EYS: variants seen among roughly 807,000 people sequenced by gnomAD.
The protein encoded by EYS is EGF-like photoreceptor maintenance factor.
Under a neutral mutation model 282.1 loss-of-function variants are expected in EYS, and 250 were observed. The ratio of observed to expected loss-of-function variants is 0.89; its 90% CI spans 0.80 to 0.98. The LOEUF (loss-of-function observed/expected upper bound fraction) is 0.98. Ranked by LOEUF, EYS falls within the 50% of genes least tolerant of loss-of-function variation. The pLI is 0.00. For synonymous variants in EYS, 1,355 were observed against 1,282.9 expected (o/e 1.06, Z -1.20); for missense variants, 4,016 against 3,709.0 (o/e 1.08, Z -2.15).
At chr6:64,842,118 C>A (rs1765580188) in intron 19 of EYS, among the ~76,000 whole-genome samples, 1 of 152,000 alleles carries the variant, frequency 6.6e-6, no homozygotes, top group East Asian at 1.9e-4. Context: ...AACTAACATA[C>A]AGGGCATTAA....
chr6:64,255,670 G>C (rs1413454700), intron 30 of EYS, among the ~76,000 whole-genome samples: 1 of 151,930 alleles, frequency 6.6e-6, no homozygotes, highest in African/African-American at 2.4e-5. Context: ...TCAATCATAT[G>C]ACTTAAATAA....
At chr6:64,283,218 T>A (rs1768373659) in intron 30 of EYS, among the ~76,000 whole-genome samples, 1 of 152,276 alleles carries the variant, frequency 6.6e-6, no homozygotes, top group East Asian at 1.9e-4. Flanking sequence ...TGATTCATAT[T>A]TTTTTAAAGC....
chr6:64,663,826 G>T (rs887236320), intron 22 of EYS, among the ~76,000 whole-genome samples: 1 of 152,106 alleles, frequency 6.6e-6, no homozygotes, highest in African/African-American at 2.4e-5. Flanking sequence ...AGGATTCCAA[G>T]GAATAGAACC....
At position 65,005,823 on chromosome 6, in the gene EYS, C is replaced by A. The variant is rs376322277; in HGVS notation, c.2138-8120G>T. Among the ~76,000 whole-genome samples, 435 of 152,284 alleles carry A rather than the reference C, an allele frequency of 2.9e-3. 37 individuals are homozygous for A. The highest frequency in any genetic ancestry group is 0.011 in the South Asian group (54 of 4,826). Reference sequence around the variant, plus strand: ...GTAGCCGGTTAAGATCATGGCACAGCCAGAAGTCTCTACCCAGCAGTCGCC... The same window carrying A: ...GTAGCCGGTTAAGATCATGGCACAGACAGAAGTCTCTACCCAGCAGTCGCC... On this transcript the variant is annotated intron_variant, in intron 13 of 42. Coordinates refer to ENST00000503581, the MANE Select transcript of EYS (RefSeq NM_001142800.2).
At chr6:65,460,713 G>C (rs1368993689) in intron 5 of EYS, among the ~76,000 whole-genome samples, 2 of 151,926 alleles carry the variant, frequency 1.3e-5, no homozygotes, top group Admixed American at 6.6e-5. Flanking sequence ...GTTTTGGCCT[G>C]AACAAATCAA....
intron 1 of EYS, among the ~76,000 whole-genome samples, chr6:65,698,164 C>T (rs1769525811): frequency 6.6e-6 from 1 of 152,082 alleles, no homozygotes; most frequent in South Asian, 2.1e-4. Context: ...CATCATTATA[C>T]ATAAAGAATA....
At chr6:63,958,691 G>A (rs1047044387) in intron 35 of EYS, among the ~76,000 whole-genome samples, 8 of 152,306 alleles carry the variant, frequency 5.3e-5, no homozygotes, top group Non-Finnish European at 1.2e-4. Flanking sequence ...CAAAGGACAG[G>A]CTGACTCTCC....
chr6:63,730,857 T>G (rs1208808394), intron 41 of EYS, among the ~76,000 whole-genome samples: 1 of 151,920 alleles, frequency 6.6e-6, no homozygotes, highest in Non-Finnish European at 1.5e-5. Flanking sequence ...CCGTCTCTAC[T>G]AAAAATACAA....
intron 24 of EYS, among the ~76,000 whole-genome samples, chr6:64,615,226 T>C (rs1767237384): frequency 6.6e-6 from 1 of 152,112 alleles, no homozygotes. Flanking sequence ...CTTAAGACTC[T>C]CTCAAGTTTG....
intron 33 of EYS, among the ~76,000 whole-genome samples, chr6:64,051,097 T>C (rs1416153502): frequency 6.6e-6 from 1 of 152,124 alleles, no homozygotes; most frequent in Non-Finnish European, 1.5e-5. Flanking sequence ...TCCCAAGTCA[T>C]GTTGTTGAAA....
At chr6:65,193,683 A>C (rs532622172) in intron 12 of EYS, among the ~76,000 whole-genome samples, 1 of 151,800 alleles carries the variant, frequency 6.6e-6, no homozygotes, top group African/African-American at 2.4e-5. Flanking sequence ...CGTAAGGAAC[A>C]AAAATCTCTG....
chr6:64,295,924 T>G (rs533938582), intron 30 of EYS, among the ~76,000 whole-genome samples: 17 of 152,274 alleles, frequency 1.1e-4, no homozygotes, highest in African/African-American at 3.9e-4. Context: ...AATATTATTT[T>G]TAAATATTTT....
At chr6:64,813,663 C>T in intron 21 of EYS, 86 bp from the exon 22 acceptor site, 1 of 812,374 alleles carries the variant, frequency 1.2e-6, no homozygotes, top group Non-Finnish European at 1.7e-6. Flanking sequence ...TAAACATAAT[C>T]TAAAAAACTG....
At chr6:64,436,374 G>C (rs894764085) in intron 27 of EYS, 109 bp from the exon 28 acceptor site, 2 of 616,584 alleles carry the variant, frequency 3.2e-6, no homozygotes, top group Non-Finnish European at 5.7e-6. Context: ...TCACTTTGGA[G>C]AGACATGAAG....
intron 29 of EYS, among the ~76,000 whole-genome samples, chr6:64,336,243 A>G (rs1016455631): frequency 6.6e-6 from 1 of 152,106 alleles, no homozygotes; most frequent in African/African-American, 2.4e-5. Flanking sequence ...CAGGAGACTC[A>G]CCTAACACAA....
At chr6:64,085,340 GCACACACACACACA>G (rs71551560) in intron 31 of EYS, among the ~76,000 whole-genome samples, 1 of 139,814 alleles carries the variant, frequency 7.2e-6, no homozygotes, top group African/African-American at 2.8e-5. Flanking sequence ...ACGTGCGCGC[GCACACACACACACA>G]CACACACACA....
intron 26 of EYS, among the ~76,000 whole-genome samples, chr6:64,567,751 G>A (rs561055202): frequency 6.6e-6 from 1 of 152,268 alleles, no homozygotes; most frequent in South Asian, 2.1e-4. Context: ...GCATAAAAAT[G>A]TAATTTACAA....
Position 65,495,418 on chromosome 6 carries a change from T to C in EYS, c.-8A>G. On this transcript the variant is annotated 5_prime_UTR_variant, in exon 4 of 43. Transcript: ENST00000503581. ...GATTGATTTGTCAGTCATTTTCGGGTAGCTGTATTTTACAGTTTATCATAA... is the reference window on the plus strand; with the variant it reads ...GATTGATTTGTCAGTCATTTTCGGGCAGCTGTATTTTACAGTTTATCATAA... 6.2e-7 allele frequency: 1 copy of C among 1,607,182 alleles called. No individual in the cohort carries two copies. Among genetic ancestry groups the C allele is most frequent in the South Asian group, 1.1e-5 (1 of 91,072 alleles).
chr6:64,896,897 C>G (rs761153279), intron 18 of EYS, among the ~76,000 whole-genome samples: 1 of 152,104 alleles, frequency 6.6e-6, no homozygotes, highest in Non-Finnish European at 1.5e-5. Context: ...AGACAGACCG[C>G]CTCTCTAGAT....
Sources: allele counts gnomAD v4.1 joint callset (sites outside exome capture counted in the v4.1 genomes callset), GRCh38; gene constraint gnomAD v4.1.1; transcripts MANE v1.5; gene names NCBI Gene and HGNC (gene_info 2026-07-23, HGNC 2026-07-21).